ZNF704: variants seen among roughly 807,000 people sequenced by gnomAD.
ZNF704 encodes glucocorticoid induced gene 1.
Under a neutral mutation model 44.7 loss-of-function variants are expected in ZNF704, and 10 were observed. The observed-to-expected ratio is 0.22, with a 90% CI of 0.14 to 0.38. ZNF704 has a LOEUF of 0.38. Among genes scored for constraint, ZNF704 ranks in the 10% least tolerant of loss-of-function variants. ZNF704 has a pLI of 1.00. For synonymous variants in ZNF704, 211 were observed against 207.6 expected (o/e 1.02, Z -0.14); for missense variants, 390 against 545.5 (o/e 0.71, Z 2.84).
chr8:80,675,201 CAAGCT>C (rs1818344680), intron 4 of ZNF704, among the ~76,000 whole-genome samples: 1 of 152,132 alleles, frequency 6.6e-6, no homozygotes, highest in African/African-American at 2.4e-5. Context: ...AGGAGCCAGC[CAAGCT>C]AAGAGCTAGA....
At chr8:80,783,540 TG>T (rs1220833047) in intron 2 of ZNF704, among the ~76,000 whole-genome samples, 1 of 152,130 alleles carries the variant, frequency 6.6e-6, no homozygotes, top group East Asian at 1.9e-4. Context: ...GCTTGCCTAA[TG>T]GGGGAAGGGG....
At chr8:80,683,118 C>CGGA (rs1818479929) in intron 4 of ZNF704, among the ~76,000 whole-genome samples, 1 of 152,192 alleles carries the variant, frequency 6.6e-6, no homozygotes, top group African/African-American at 2.4e-5. Flanking sequence ...CACTGCATCA[C>CGGA]CTTGTGGTCA....
intron 1 of ZNF704, among the ~76,000 whole-genome samples, chr8:80,829,130 A>C (rs1808427644): frequency 6.6e-6 from 1 of 152,246 alleles, no homozygotes; most frequent in South Asian, 2.1e-4. Flanking sequence ...TCTGTTTTTA[A>C]GTGTTCACTG....
chr8:80,877,469 C>G (rs903655273), upstream of ZNF704, among the ~76,000 whole-genome samples: 1 of 152,186 alleles, frequency 6.6e-6, no homozygotes, highest in African/African-American at 2.4e-5. Flanking sequence ...ATGACATGGG[C>G]TCAGAAGTCA....
chr8:80,664,903 C>T lies in ZNF704; in HGVS notation c.839G>A (p.Cys280Tyr), dbSNP rs1453684595. The T allele has an allele frequency of 3.7e-6, 6 of 1,614,032 alleles. No individual in the cohort carries two copies. Among genetic ancestry groups the T allele is most frequent in the Non-Finnish European group, 5.1e-6 (6 of 1,180,048 alleles). ...CATCAACTTAGTCTCCGTTTTGGCA[C>T]AAGGAGTTTCTGTTCGGCTTGAATC... is the stretch of plus-strand genomic sequence containing the variant. Reference protein sequence around the residue: ...IPDSSRTETPCAKTETKLMTP... With the variant: ...IPDSSRTETPYAKTETKLMTP... The change falls in exon 6 of 9, where the codon TGT becomes TAT. Residue 280 changes from cysteine (C) to tyrosine (Y), a missense_variant. Cys to Tyr is a radical substitution (Grantham distance 194, BLOSUM62 -2). Coordinates refer to ENST00000327835, the MANE Select transcript of ZNF704 (RefSeq NM_001033723.3).
chr8:80,875,053 TAG>T (rs1028124495), upstream of ZNF704, among the ~76,000 whole-genome samples: 2 of 152,182 alleles, frequency 1.3e-5, no homozygotes, highest in Non-Finnish European at 2.9e-5. Context: ...GTCTGATCTG[TAG>T]ACTCTCTTCT....
At chr8:80,644,821 T>C in intron 7 of ZNF704, 1 of 656,308 alleles carries the variant, frequency 1.5e-6, no homozygotes, top group South Asian at 1.8e-5. Context: ...ATTGAACATC[T>C]TTTAAATATC....
intron 2 of ZNF704, among the ~76,000 whole-genome samples, chr8:80,794,530 C>T (rs997806319): frequency 1.3e-5 from 2 of 152,104 alleles, no homozygotes; most frequent in Non-Finnish European, 2.9e-5. Context: ...CTCTTTTGGG[C>T]AGCAAGATAT....
intron 5 of ZNF704, among the ~76,000 whole-genome samples, chr8:80,666,715 GTGA>G (rs796422573): frequency 4.6e-5 from 7 of 151,666 alleles, no homozygotes; most frequent in African/African-American, 1.7e-4. Flanking sequence ...CTGATGGCCA[GTGA>G]TGATGAGCAT....
intron 4 of ZNF704, among the ~76,000 whole-genome samples, chr8:80,678,725 T>A (rs1322800849): frequency 6.6e-6 from 1 of 152,220 alleles, no homozygotes; most frequent in Non-Finnish European, 1.5e-5. Context: ...AAAGCTTCTT[T>A]GATGTGAAAA....
At chr8:80,653,260 A>G (rs958423448) in intron 7 of ZNF704, among the ~76,000 whole-genome samples, 2 of 152,176 alleles carry the variant, frequency 1.3e-5, no homozygotes, top group Admixed American at 6.5e-5. Flanking sequence ...AACTGGCACA[A>G]GACAGGGATG....
chr8:80,667,675 C>A (rs1818216681), intron 5 of ZNF704, among the ~76,000 whole-genome samples: 1 of 152,122 alleles, frequency 6.6e-6, no homozygotes, highest in Non-Finnish European at 1.5e-5. Flanking sequence ...AGGGTAGGTA[C>A]CTAGCAAATG....
At chr8:80,883,408 T>C in the ZNF704 span, among the ~76,000 whole-genome samples, 3,977 of 152,254 alleles carry the variant, frequency 0.026, 187 homozygotes, top group African/African-American at 0.092. Flanking sequence ...TGCTAGAACA[T>C]TCTGCAGTGA....
At chr8:80,793,764 T>C (rs1466926170) in intron 2 of ZNF704, among the ~76,000 whole-genome samples, 1 of 152,174 alleles carries the variant, frequency 6.6e-6, no homozygotes, top group African/African-American at 2.4e-5. Context: ...TATTGAATGC[T>C]ACAATAAATT....
At chr8:80,741,065 G>A (rs1240371838) in intron 2 of ZNF704, among the ~76,000 whole-genome samples, 1 of 152,240 alleles carries the variant, frequency 6.6e-6, no homozygotes, top group Non-Finnish European at 1.5e-5. Context: ...AGTGAGGAAT[G>A]TATCCAGCAT....
At chr8:80,648,932 C>T (rs1817872900) in intron 7 of ZNF704, among the ~76,000 whole-genome samples, 1 of 152,174 alleles carries the variant, frequency 6.6e-6, no homozygotes, top group Non-Finnish European at 1.5e-5. Flanking sequence ...TCCATCCTGC[C>T]ATATCGTTGA....
At chr8:80,827,239 A>C (rs1808393761) in intron 1 of ZNF704, among the ~76,000 whole-genome samples, 1 of 152,220 alleles carries the variant, frequency 6.6e-6, no homozygotes, top group Non-Finnish European at 1.5e-5. Context: ...TCAGGATACA[A>C]AATCAATGTG....
At chr8:80,700,229 A>G (rs1818787860) in intron 2 of ZNF704, among the ~76,000 whole-genome samples, 1 of 152,204 alleles carries the variant, frequency 6.6e-6, no homozygotes, top group African/African-American at 2.4e-5. Flanking sequence ...AAGTTAGCCA[A>G]TATCCTAACT....
intron 1 of ZNF704, among the ~76,000 whole-genome samples, chr8:80,852,820 A>T (rs941064008): frequency 6.6e-6 from 1 of 152,202 alleles, no homozygotes; most frequent in Non-Finnish European, 1.5e-5. Flanking sequence ...CAGAACTCCT[A>T]GAAAGAAATA....
Sources: allele counts gnomAD v4.1 joint callset (sites outside exome capture counted in the v4.1 genomes callset), GRCh38; gene constraint gnomAD v4.1.1; transcripts MANE v1.5; gene names NCBI Gene and HGNC (gene_info 2026-07-23, HGNC 2026-07-21).